LOXL2: variants seen among roughly 807,000 people sequenced by gnomAD.
LOXL2 encodes lysyl oxidase like 2.
In LOXL2, 70 loss-of-function variants were observed where a neutral mutation model predicts 93.0. The observed-to-expected ratio is 0.75, with a 90% CI of 0.62 to 0.92. LOXL2 has a LOEUF of 0.92. Ranked by LOEUF, LOXL2 falls within the 40% of genes least tolerant of loss-of-function variation. The pLI is 0.00. For missense variants in LOXL2, 973 were observed against 1,054.9 expected, an observed-to-expected ratio of 0.92 and a Z score of 1.08; for synonymous variants, 438 against 413.2, an observed-to-expected ratio of 1.06 and a Z score of -0.73.
chr8:23,383,912 G>A (rs1360729477), intron 1 of LOXL2, among the ~76,000 whole-genome samples: 1 of 151,798 alleles, frequency 6.6e-6, no homozygotes, highest in Non-Finnish European at 1.5e-5. Flanking sequence ...CACCCGCCTC[G>A]GCCTCCCAAA....
At chr8:23,327,682 G>A (rs1326398447) in intron 6 of LOXL2, among the ~76,000 whole-genome samples, 1 of 152,152 alleles carries the variant, frequency 6.6e-6, no homozygotes, top group African/African-American at 2.4e-5. Context: ...CCTGTTGAAT[G>A]ACCAAGGCTC....
intron 2 of LOXL2, among the ~76,000 whole-genome samples, chr8:23,366,360 T>C (rs529336326): frequency 1.6e-3 from 249 of 152,390 alleles, no homozygotes; most frequent in Non-Finnish European, 3.1e-3. Context: ...TTTGACTCTG[T>C]GCTGTCTCCT....
intron 1 of LOXL2, among the ~76,000 whole-genome samples, chr8:23,374,867 T>A (rs1194513459): frequency 1.3e-5 from 2 of 152,248 alleles, no homozygotes; most frequent in African/African-American, 4.8e-5. Flanking sequence ...ATGAGTAGAT[T>A]GCAAAAATTT....
chr8:23,304,924 T>C (rs575577295), intron 10 of LOXL2, among the ~76,000 whole-genome samples: 25 of 152,306 alleles, frequency 1.6e-4, no homozygotes, highest in Admixed American at 4.6e-4. Context: ...TCGAGGCTCT[T>C]TTCCCTTCCT....
intron 5 of LOXL2, among the ~76,000 whole-genome samples, chr8:23,332,435 CCACA>C (rs993762985): frequency 2.1e-5 from 3 of 140,970 alleles, no homozygotes; most frequent in Non-Finnish European, 3.1e-5. Context: ...CAAACACACC[CCACA>C]CACTCCTACA....
At chr8:23,380,243 AT>A (rs1804661365) in intron 1 of LOXL2, among the ~76,000 whole-genome samples, 1 of 152,124 alleles carries the variant, frequency 6.6e-6, no homozygotes, top group Non-Finnish European at 1.5e-5. Flanking sequence ...AAATACAAAA[AT>A]TAGCTGGGCA....
intron 6 of LOXL2, 54 bp from the exon 7 acceptor site, chr8:23,322,335 G>A (rs999316107): frequency 6.5e-7 from 1 of 1,545,962 alleles, no homozygotes; most frequent in Non-Finnish European, 8.9e-7. Context: ...AAACTTTCTG[G>A]AGTGGCAAGA....
At chr8:23,368,576 C>T (rs1247463775) in intron 1 of LOXL2, 142 bp from the exon 2 acceptor site, 23 of 587,386 alleles carry the variant, frequency 3.9e-5, no homozygotes, top group Non-Finnish European at 6.4e-5. Flanking sequence ...CCTACATTTC[C>T]ACCATGCAGG....
At chr8:23,317,466 C>T (rs1487996266) in intron 8 of LOXL2, among the ~76,000 whole-genome samples, 3 of 152,210 alleles carry the variant, frequency 2.0e-5, no homozygotes, top group Admixed American at 1.3e-4. Flanking sequence ...TAATCAATCA[C>T]AGCACTCTCT....
intron 4 of LOXL2, among the ~76,000 whole-genome samples, chr8:23,334,911 G>T (rs1803765717): frequency 6.6e-6 from 1 of 151,384 alleles, no homozygotes; most frequent in Non-Finnish European, 1.5e-5. Flanking sequence ...CCACCTCCCA[G>T]GTTCAAGGAA....
At chr8:23,308,866 G>A (rs1373764386) in intron 10 of LOXL2, among the ~76,000 whole-genome samples, 1 of 152,052 alleles carries the variant, frequency 6.6e-6, no homozygotes, top group Non-Finnish European at 1.5e-5. Context: ...CTCGCTAGAG[G>A]CACGGCTGCG....
Position 23,385,837 on chromosome 8 carries a change from A to G in LOXL2, c.-83-17403T>C, listed in dbSNP as rs867272697. Reference sequence around the variant, plus strand: ...CAATATATTTCAATATGGAATCAATACAAAAATTATTAATGAGATGTTTTG... The same window carrying G: ...CAATATATTTCAATATGGAATCAATGCAAAAATTATTAATGAGATGTTTTG... On this transcript the variant is annotated intron_variant, in intron 1 of 13. Transcript: ENST00000389131. The G allele has an allele frequency of 3.0e-5, 20 of 661,490 alleles. No homozygotes were observed. In the Middle Eastern group the frequency reaches 7.2e-4, roughly 24 times the overall value. The allele number at this position is 661,490 out of a possible 1,614,324, so 41.0% of individuals were successfully genotyped here.
chr8:23,328,470 C>G lies in LOXL2; in HGVS notation c.1062G>C (p.Lys354Asn). Residue 354 changes from lysine to asparagine, a missense_variant, in exon 6 of 14, where the codon AAG becomes AAC. By Grantham distance (94) the Lys-to-Asn change is moderately conservative. Coordinates refer to ENST00000389131, the MANE Select transcript of LOXL2 (RefSeq NM_002318.3). ...CCACACTGGCCGACACCAGGTCCCACTTGTCGTCGCAGACGGTCCCCCATT... is the reference window on the plus strand; with the variant it reads ...CCACACTGGCCGACACCAGGTCCCAGTTGTCGTCGCAGACGGTCCCCCATT... ...NGEWGTVCDD[K>N]WDLVSASVVC... is the part of the protein sequence containing the mutation. 6.2e-7 allele frequency: 1 copy of G among 1,614,166 alleles called. No homozygotes were observed. Among genetic ancestry groups the G allele is most frequent in the Non-Finnish European group, 8.5e-7 (1 of 1,180,042 alleles).
At chr8:23,348,215 T>C (rs6998541) in intron 3 of LOXL2, among the ~76,000 whole-genome samples, 41,759 of 137,148 alleles carry the variant, frequency 0.3, 7,735 homozygotes, top group African/African-American at 0.55. Context: ...ATGAGAACAG[T>C]TGGACACAGG....
rs373446822 is a variant in LOXL2 at position 23,341,220 on chromosome 8, G to A, written c.532-17C>T. 64 of 1,599,026 alleles carry A rather than the reference G, an allele frequency of 4.0e-5. No homozygotes were observed. The highest frequency in any genetic ancestry group is 1.7e-4 in the African/African-American group (13 of 74,578). ...ATTCAGGTTCTGGGAAGAAAGAGGCGTGGAAGGAGAGGGTTACCCTACTGG... is the reference window on the plus strand; with the variant it reads ...ATTCAGGTTCTGGGAAGAAAGAGGCATGGAAGGAGAGGGTTACCCTACTGG... On this transcript the variant is annotated splice_polypyrimidine_tract_variant and intron_variant, in intron 3 of 13. Coordinates refer to ENST00000389131, the MANE Select transcript of LOXL2 (RefSeq NM_002318.3).
intron 1 of LOXL2, among the ~76,000 whole-genome samples, chr8:23,369,422 G>A (rs1258039221): frequency 6.6e-6 from 1 of 152,116 alleles, no homozygotes; most frequent in Non-Finnish European, 1.5e-5. Flanking sequence ...AGGATGAGCA[G>A]GTGGAAGCTT....
intron 1 of LOXL2, among the ~76,000 whole-genome samples, chr8:23,401,208 A>G (rs577240099): frequency 1.3e-5 from 2 of 152,346 alleles, no homozygotes; most frequent in East Asian, 3.9e-4. Context: ...CTTTAGTGGG[A>G]CCTTGTAAGA....
intron 5 of LOXL2, chr8:23,328,820 G>A (rs547867538): frequency 9.7e-5 from 45 of 461,696 alleles, no homozygotes; most frequent in Non-Finnish European, 1.4e-4. Context: ...CAGCCCTCGC[G>A]TGGAGCTTCT....
chr8:23,298,078 T>C lies in LOXL2; in HGVS notation c.2290A>G (p.Ser764Gly). ...GACAGCTGGTTGTTTAAGAGCCCGCTGAAGTGCTCAAACTTTTTTTCCGTC... is the reference window on the plus strand; with the variant it reads ...GACAGCTGGTTGTTTAAGAGCCCGCCGAAGTGCTCAAACTTTTTTTCCGTC... ...EETEKKFEHF[S>G]GLLNNQLSPQ Residue 764 changes from serine to glycine, a missense_variant, in exon 14 of 14, where the codon AGC (serine) becomes GGC (glycine). Transcript: ENST00000389131. 1 of 1,613,914 alleles carries C rather than the reference T, an allele frequency of 6.2e-7. No homozygotes were observed. The highest frequency in any genetic ancestry group is 2.2e-5 in the East Asian group (1 of 44,890).
Sources: gnomAD v4.1 joint callset for allele counts (sites outside exome capture counted in the v4.1 genomes callset) on GRCh38, gnomAD v4.1.1 for gene constraint, MANE v1.5 for transcripts, NCBI Gene and HGNC (gene_info 2026-07-23, HGNC 2026-07-21) for gene names.